FHOD3: variants seen among roughly 807,000 people sequenced by gnomAD.
FHOD3 encodes the protein FH1/FH2 domain-containing protein 3.
A neutral mutation model predicts 173.0 loss-of-function variants in FHOD3; 90 were observed. That is an observed-to-expected ratio of 0.52 (90% CI 0.44 to 0.62). The LOEUF (loss-of-function observed/expected upper bound fraction) is 0.62, where lower values mean the gene tolerates loss of function less well. FHOD3 is among the 20% of genes least tolerant of loss of function. The pLI is 0.00. For synonymous variants in FHOD3, 828 were observed against 823.0 expected, an observed-to-expected ratio of 1.01 and a Z score of -0.10; for missense variants, 1,945 against 2,034.7, an observed-to-expected ratio of 0.96 and a Z score of 0.85.
At chr18:36,746,482 A>C (rs1218868535) in intron 23 of FHOD3, among the ~76,000 whole-genome samples, 1 of 152,202 alleles carries the variant, frequency 6.6e-6, no homozygotes, top group South Asian at 2.1e-4. Context: ...TATAAAGGAG[A>C]TCATCACGAA....
chr18:36,463,330 AT>A (rs1444522334), intron 3 of FHOD3, among the ~76,000 whole-genome samples: 1 of 148,020 alleles, frequency 6.8e-6, no homozygotes, highest in African/African-American at 2.4e-5. Flanking sequence ...ATATATTTTT[AT>A]TTAAAAAAAT....
intron 6 of FHOD3, among the ~76,000 whole-genome samples, chr18:36,584,798 G>T (rs1221781113): frequency 6.6e-6 from 1 of 152,048 alleles, no homozygotes; most frequent in African/African-American, 2.4e-5. Context: ...AAGTTTACTG[G>T]TATAATATGG....
chr18:36,386,333 G>GA (rs2048031221), intron 3 of FHOD3, among the ~76,000 whole-genome samples: 1 of 152,168 alleles, frequency 6.6e-6, no homozygotes, highest in Non-Finnish European at 1.5e-5. Context: ...GGTTGGCAAG[G>GA]GTGATGTGGG....
At position 36,652,874 on chromosome 18, in the gene FHOD3, G is replaced by A; in HGVS notation, c.1591G>A (p.Glu531Lys). Residue 531 changes from glutamate (E) to lysine (K), a missense_variant, in exon 12 of 29, where the codon GAG becomes AAG. Glu to Lys is a moderately conservative substitution (Grantham distance 56). Coordinates refer to ENST00000590592, the MANE Select transcript of FHOD3 (RefSeq NM_001281740.3). ...SPFHLFSYDF[E>K]DSSLSTKEKE... ...CTTCCACCTCTTCTCCTATGACTTT[G>A]AGGACTCCTCCCTGTCCACCAAGGA... The A allele has an allele frequency of 6.5e-7, 1 of 1,535,872 alleles. No homozygotes were observed. The highest frequency in any genetic ancestry group is 8.7e-7 in the Non-Finnish European group (1 of 1,146,702).
intron 14 of FHOD3, among the ~76,000 whole-genome samples, chr18:36,670,467 G>T (rs1395371115): frequency 6.6e-6 from 1 of 151,814 alleles, no homozygotes; most frequent in Non-Finnish European, 1.5e-5. Context: ...TAATTATGTT[G>T]CTGTGTCTTC....
At chr18:36,596,346 T>G (rs991764044) in intron 7 of FHOD3, among the ~76,000 whole-genome samples, 3 of 141,096 alleles carry the variant, frequency 2.1e-5, no homozygotes, top group Non-Finnish European at 1.5e-5. Flanking sequence ...TTTTTTTTTT[T>G]TTTTTTTTTA....
chr18:36,348,627 G>A (rs1568154812), intron 1 of FHOD3, among the ~76,000 whole-genome samples: 2 of 152,128 alleles, frequency 1.3e-5, no homozygotes, highest in East Asian at 1.9e-4. Flanking sequence ...GTCCTCTCCT[G>A]TGTGGGAGGG....
intron 28 of FHOD3, among the ~76,000 whole-genome samples, chr18:36,776,694 C>G (rs989733075): frequency 1.3e-5 from 2 of 152,166 alleles, no homozygotes; most frequent in Admixed American, 6.5e-5. Context: ...GGAATGAAGC[C>G]TATGTTGGCT....
chr18:36,568,816 T>G (rs2058361517), intron 5 of FHOD3, among the ~76,000 whole-genome samples: 1 of 152,154 alleles, frequency 6.6e-6, no homozygotes, highest in Admixed American at 6.5e-5. Context: ...AAGCCAAAAT[T>G]ACTTGGCGCG....
intron 18 of FHOD3, among the ~76,000 whole-genome samples, chr18:36,712,655 A>G (rs1025971490): frequency 1.3e-5 from 2 of 152,176 alleles, no homozygotes; most frequent in Admixed American, 6.5e-5. Flanking sequence ...ACGCCAATTC[A>G]TCGGAATCTG....
Position 36,776,950 on chromosome 18 carries a change from C to T in FHOD3, c.4787-2498C>T, listed in dbSNP as rs534620519. 1.2e-3 allele frequency among the ~76,000 whole-genome samples: 186 copies of T among 152,240 alleles called. 3 individuals carry two copies. Among genetic ancestry groups the T allele is most frequent in the African/African-American group, 4.3e-3 (177 of 41,538 alleles). On this transcript the variant is annotated intron_variant, in intron 28 of 28. Coordinates refer to ENST00000590592, the MANE Select transcript of FHOD3 (RefSeq NM_001281740.3). ...GCTGTAAGGTGACCGGGCCCTTATT[C>T]GAGTATTAATATTTATATCAACTGA...
At chr18:36,776,532 C>G (rs1171938771) in intron 28 of FHOD3, among the ~76,000 whole-genome samples, 1 of 152,156 alleles carries the variant, frequency 6.6e-6, no homozygotes, top group Non-Finnish European at 1.5e-5. Flanking sequence ...GTTTCAGATT[C>G]TCAGGTATTT....
chr18:36,567,681 T>C (rs940616443), intron 5 of FHOD3, among the ~76,000 whole-genome samples: 12 of 152,214 alleles, frequency 7.9e-5, no homozygotes, highest in South Asian at 2.1e-4. Flanking sequence ...ACATTTTTCT[T>C]CTGGTATTCT....
At chr18:36,378,937 G>A (rs1009547324) in intron 3 of FHOD3, among the ~76,000 whole-genome samples, 4 of 152,046 alleles carry the variant, frequency 2.6e-5, no homozygotes, top group African/African-American at 7.2e-5. Flanking sequence ...TGCCCACCTC[G>A]GTCTCCCAAA....
rs1180187032 is a variant in FHOD3, at chr18:36,693,460, T to C, written c.2236+37T>C. The C allele has an allele frequency of 3.8e-6, 6 of 1,579,420 alleles. No homozygotes were observed. In the African/African-American group the frequency reaches 8.1e-5, roughly 21 times the overall value. ...GAGAGTAGAGGGAAAATGAACAGGT[T>C]AACATCAGACAGGCTTCCTCAGGGC... On this transcript the variant is annotated intron_variant, in intron 17 of 28. Transcript: ENST00000590592.
chr18:36,343,300 C>A (rs1451115934), intron 1 of FHOD3, among the ~76,000 whole-genome samples: 2 of 152,168 alleles, frequency 1.3e-5, no homozygotes, highest in African/African-American at 4.8e-5. Flanking sequence ...TGTGATATAT[C>A]CATGCTATCA....
intron 3 of FHOD3, among the ~76,000 whole-genome samples, chr18:36,475,031 ACACT>A (rs59159753): frequency 0.099 from 4,386 of 44,504 alleles, 113 homozygotes; most frequent in African/African-American, 0.12. Context: ...ACACACACAC[ACACT>A]CTGCAAAATT....
At chr18:36,755,397 CTTTTTTTTTTTT>C (rs200164880) in intron 25 of FHOD3, 86 bp downstream of exon 25, 3,330 of 211,808 alleles carry the variant, frequency 0.016, 48 homozygotes, top group African/African-American at 0.053. Flanking sequence ...AAAAGCTGTG[CTTTTTTTTTTTT>C]TTTTTTTTTT....
chr18:36,743,621 T>C (rs2042015184), intron 22 of FHOD3, among the ~76,000 whole-genome samples: 1 of 152,224 alleles, frequency 6.6e-6, no homozygotes, highest in African/African-American at 2.4e-5. Context: ...GGTAGTTTGC[T>C]GCCCCTATCA....
Sources: allele counts gnomAD v4.1 joint callset (sites outside exome capture counted in the v4.1 genomes callset), GRCh38; gene constraint gnomAD v4.1.1; transcripts MANE v1.5; gene names NCBI Gene and HGNC (gene_info 2026-07-23, HGNC 2026-07-21).